Variants in RMND5A observed in about 807,000 individuals in gnomAD.
RMND5A encodes E3 ubiquitin-protein transferase RMND5A.
Under a neutral mutation model 49.7 loss-of-function variants are expected in RMND5A, and 17 were observed. The ratio of observed to expected loss-of-function variants is 0.34; its 90% confidence interval spans 0.23 to 0.51. The LOEUF (loss-of-function observed/expected upper bound fraction) is 0.51. RMND5A is among the 20% of genes least tolerant of loss of function. The pLI is 0.96. For missense variants in RMND5A, 255 were observed against 471.3 expected (o/e 0.54, Z 4.25); for synonymous variants, 156 against 167.7 (o/e 0.93, Z 0.54).
intron 1 of RMND5A, among the ~76,000 whole-genome samples, chr2:86,725,648 T>C (rs2674835): frequency 0.057 from 4,423 of 77,682 alleles, 1,732 homozygotes; most frequent in African/African-American, 0.21. Context: ...GCCTCGGCCT[T>C]CCAAACTGCA....
At chr2:86,760,249 C>T (rs1230878642) in intron 4 of RMND5A, among the ~76,000 whole-genome samples, 1 of 152,106 alleles carries the variant, frequency 6.6e-6, no homozygotes, top group Non-Finnish European at 1.5e-5. Flanking sequence ...TCTCCATGTT[C>T]ATCAGGCTGG....
At chr2:86,759,031 C>T (rs1022037761) in intron 4 of RMND5A, among the ~76,000 whole-genome samples, 3 of 151,998 alleles carry the variant, frequency 2.0e-5, no homozygotes, top group Non-Finnish European at 4.4e-5. Context: ...TTTTTGTAAG[C>T]CTTTAAATGC....
At chr2:86,744,223 C>G (rs1681498671) in intron 2 of RMND5A, among the ~76,000 whole-genome samples, 1 of 152,078 alleles carries the variant, frequency 6.6e-6, no homozygotes, top group Non-Finnish European at 1.5e-5. Flanking sequence ...ATCAGGAATT[C>G]CGTGTAGGCT....
chr2:86,742,051 C>CTATA (rs992883956), intron 2 of RMND5A, among the ~76,000 whole-genome samples: 1 of 138,174 alleles, frequency 7.2e-6, no homozygotes, highest in African/African-American at 2.7e-5. Context: ...TGAGTCAGAA[C>CTATA]TATATGCTTA....
At chr2:86,732,721 T>A (rs1420425777) in intron 1 of RMND5A, among the ~76,000 whole-genome samples, 3 of 145,438 alleles carry the variant, frequency 2.1e-5, no homozygotes, top group African/African-American at 8.2e-5. Context: ...CTTTGACAAA[T>A]GTGGAAATAG....
At chr2:86,769,987 G>C (rs747349167) in intron 6 of RMND5A, 36 bp from the exon 7 acceptor site, 1 of 1,527,634 alleles carries the variant, frequency 6.5e-7, no homozygotes, top group African/African-American at 1.4e-5. Flanking sequence ...CCTGACCCCT[G>C]GCCTGGCACT....
intron 2 of RMND5A, among the ~76,000 whole-genome samples, chr2:86,746,464 A>G (rs1052302513): frequency 2.6e-5 from 4 of 152,188 alleles, no homozygotes; most frequent in Non-Finnish European, 4.4e-5. Flanking sequence ...TTTCATGTAC[A>G]TTATTTACCT....
At chr2:86,749,199 G>A (rs1212165953) in intron 2 of RMND5A, among the ~76,000 whole-genome samples, 1 of 152,088 alleles carries the variant, frequency 6.6e-6, no homozygotes, top group Non-Finnish European at 1.5e-5. Context: ...ACAGCATAAA[G>A]ATAAAATAAT....
rs1484863711 is a variant in RMND5A at position 86,775,468 on chromosome 2, T to C, written c.*2057T>C. On this transcript the variant is annotated 3_prime_UTR_variant, in exon 9 of 9. Transcript: ENST00000283632. Reference sequence around the variant, plus strand: ...ACAGATGTACTCTGAAGGCTGGTGGTAAATGTGTTTGATGACCAGACTCTT... The same window carrying C: ...ACAGATGTACTCTGAAGGCTGGTGGCAAATGTGTTTGATGACCAGACTCTT... 1.3e-5 allele frequency: 2 copies of C among 151,958 alleles called. No homozygotes were observed. Among genetic ancestry groups the C allele is most frequent in the Non-Finnish European group, 2.9e-5 (2 of 68,006 alleles). 9.4% of individuals were successfully genotyped at this position (151,958 alleles called of 1,614,324 possible).
chr2:86,738,660 A>G (rs1681420153), intron 1 of RMND5A, among the ~76,000 whole-genome samples: 1 of 30,576 alleles, frequency 3.3e-5, no homozygotes, highest in South Asian at 1.0e-3. Flanking sequence ...TTACAATGCC[A>G]AAGAGATCCT....
At chr2:86,757,555 T>C (rs1681765674) in intron 4 of RMND5A, among the ~76,000 whole-genome samples, 1 of 152,158 alleles carries the variant, frequency 6.6e-6, no homozygotes, top group Non-Finnish European at 1.5e-5. Flanking sequence ...AACGAGAGAA[T>C]AGTAACTTAA....
chr2:86,769,875 T>C, intron 6 of RMND5A, 148 bp from the exon 7 acceptor site: 1 of 588,514 alleles, frequency 1.7e-6, no homozygotes, highest in East Asian at 2.8e-5. Context: ...TGGAAATGGC[T>C]GGATTTACTT....
intron 4 of RMND5A, 31 bp downstream of exon 4, chr2:86,753,589 C>A: frequency 8.8e-7 from 1 of 1,133,170 alleles, no homozygotes; most frequent in Non-Finnish European, 1.3e-6. Flanking sequence ...CTTTTGAGTA[C>A]TTTGAGAACT....
intron 8 of RMND5A, among the ~76,000 whole-genome samples, chr2:86,771,919 C>T (rs943047037): frequency 6.6e-6 from 1 of 152,138 alleles, no homozygotes; most frequent in African/African-American, 2.4e-5. Flanking sequence ...ATAAGCATGT[C>T]TTTAACTTAA....
chr2:86,743,262 T>C (rs1339986800), intron 2 of RMND5A, among the ~76,000 whole-genome samples: 1 of 152,154 alleles, frequency 6.6e-6, no homozygotes, highest in African/African-American at 2.4e-5. Flanking sequence ...GGAACACATT[T>C]ATAATGAATA....
chr2:86,759,612 G>GCCCCCCCC (rs144501224), intron 4 of RMND5A, among the ~76,000 whole-genome samples: 102 of 146,048 alleles, frequency 7.0e-4, no homozygotes, highest in Non-Finnish European at 1.2e-3. Flanking sequence ...TAGTTTGCTT[G>GCCCCCCCC]CCCCCCCGCC....
chr2:86,757,106 G>A (rs555132506), intron 4 of RMND5A, among the ~76,000 whole-genome samples: 48 of 149,644 alleles, frequency 3.2e-4, no homozygotes, highest in African/African-American at 1.1e-3. Flanking sequence ...CCCGGGAGGC[G>A]GAGGTTGCGG....
intron 1 of RMND5A, among the ~76,000 whole-genome samples, chr2:86,729,337 G>A (rs1223862212): frequency 6.6e-6 from 1 of 151,826 alleles, no homozygotes; most frequent in Non-Finnish European, 1.5e-5. Context: ...CATGGGAGTA[G>A]ATGGGCATTA....
At chr2:86,737,574 CATATA>C (rs1490448043) in intron 1 of RMND5A, among the ~76,000 whole-genome samples, 1 of 108,096 alleles carries the variant, frequency 9.3e-6, no homozygotes, top group African/African-American at 4.8e-5. Context: ...CATTAAGTAT[CATATA>C]TATATATATA....
Sources: gnomAD v4.1 joint callset for allele counts (sites outside exome capture counted in the v4.1 genomes callset) on GRCh38, gnomAD v4.1.1 for gene constraint, MANE v1.5 for transcripts, NCBI Gene and HGNC (gene_info 2026-07-23, HGNC 2026-07-21) for gene names.